Variants in HMCN1 observed in about 807,000 individuals in gnomAD.
HMCN1 encodes the protein hemicentin 1.
In HMCN1, 321 loss-of-function variants were observed where a neutral mutation model predicts 625.9. The observed-to-expected ratio is 0.51, with a 90% CI of 0.47 to 0.56. The LOEUF (loss-of-function observed/expected upper bound fraction) is 0.56, where lower values mean the gene tolerates loss of function less well. HMCN1 is among the 20% of genes least tolerant of loss of function. The probability of loss-of-function intolerance (pLI) is 0.00; values close to 1 mark genes in which losing one functional copy is unlikely to be tolerated. For missense variants in HMCN1, 6,588 were observed against 6,887.3 expected, an observed-to-expected ratio of 0.96 and a Z score of 1.54; for synonymous variants, 2,425 against 2,417.6, an observed-to-expected ratio of 1.00 and a Z score of -0.09.
intron 11 of HMCN1, among the ~76,000 whole-genome samples, chr1:185,944,762 G>A (rs548413459): frequency 6.6e-6 from 1 of 152,286 alleles, no homozygotes; most frequent in South Asian, 2.1e-4. Context: ...TTAAGTCAGA[G>A]CTAGATTTTA....
chr1:185,993,136 T>C (rs753774889), intron 22 of HMCN1, 46 bp from the exon 23 acceptor site: 1 of 1,588,750 alleles, frequency 6.3e-7, no homozygotes, highest in South Asian at 1.1e-5. Context: ...AGGGGATATT[T>C]AAATTCTCCT....
intron 4 of HMCN1, among the ~76,000 whole-genome samples, chr1:185,871,227 TCA>T (rs1663600181): frequency 8.4e-6 from 1 of 118,982 alleles, no homozygotes; most frequent in Admixed American, 8.9e-5. Flanking sequence ...AGACTCCGTC[TCA>T]AAAAAAAAAA....
intron 1 of HMCN1, among the ~76,000 whole-genome samples, chr1:185,763,454 C>T (rs1026557779): frequency 6.6e-6 from 1 of 152,144 alleles, no homozygotes; most frequent in Non-Finnish European, 1.5e-5. Flanking sequence ...AAAATCATAT[C>T]TTTTACCAGT....
chr1:185,796,626 CTGTG>C (rs150495815), intron 1 of HMCN1, among the ~76,000 whole-genome samples: 5,381 of 148,742 alleles, frequency 0.036, 283 homozygotes, highest in African/African-American at 0.12. Flanking sequence ...GAGTTTGTGT[CTGTG>C]TGTGTGTGTG....
chr1:186,070,578 C>G (rs759143922), intron 51 of HMCN1, 34 bp from the exon 52 acceptor site: 1 of 1,576,954 alleles, frequency 6.3e-7, no homozygotes, highest in South Asian at 1.1e-5. Context: ...TGAAAATAAC[C>G]AATGTCTAAC....
At chr1:186,101,381 GA>G (rs562193954) in intron 68 of HMCN1, among the ~76,000 whole-genome samples, 1 of 151,974 alleles carries the variant, frequency 6.6e-6, no homozygotes. Context: ...GAAAATACTG[GA>G]AAAAAACAAG....
At chr1:186,065,801 A>G (rs566567883) in intron 49 of HMCN1, among the ~76,000 whole-genome samples, 3 of 152,274 alleles carry the variant, frequency 2.0e-5, no homozygotes, top group Admixed American at 2.0e-4. Context: ...TGGCCATATT[A>G]TAGTCTTTGT....
chr1:186,117,789 G>C (rs1016193094), intron 77 of HMCN1, among the ~76,000 whole-genome samples, 166 bp downstream of exon 77: 5 of 152,052 alleles, frequency 3.3e-5, no homozygotes, highest in African/African-American at 7.2e-5. Flanking sequence ...ACATAGAAAG[G>C]GGTTCTAGGG....
At chr1:186,163,515 C>A (rs1651668369) in intron 97 of HMCN1, among the ~76,000 whole-genome samples, 1 of 152,168 alleles carries the variant, frequency 6.6e-6, no homozygotes, top group African/African-American at 2.4e-5. Flanking sequence ...ATTCTGGGAG[C>A]TGTAGACTGG....
chr1:185,944,281 T>C (rs993756854), intron 11 of HMCN1, among the ~76,000 whole-genome samples: 3 of 152,072 alleles, frequency 2.0e-5, no homozygotes, highest in Non-Finnish European at 4.4e-5. Context: ...CACAAAGACA[T>C]ACAGAAGGAT....
At chr1:186,086,609 A>G (rs1659486042) in intron 58 of HMCN1, among the ~76,000 whole-genome samples, 1 of 152,126 alleles carries the variant, frequency 6.6e-6, no homozygotes, top group Admixed American at 6.6e-5. Flanking sequence ...ACAAATAACA[A>G]GGTCTCCTTC....
At chr1:186,177,430 A>C (rs1417956379) in intron 103 of HMCN1, 1 of 152,322 alleles carries the variant, frequency 6.6e-6, no homozygotes, top group Non-Finnish European at 1.5e-5. Context: ...AGGAAGAACC[A>C]AGGGGTCAGG....
In HMCN1 at chr1:186,001,385, GCACTCC is replaced by G. The variant is rs757648826; in HGVS notation, c.4158_4163del (p.Thr1387_Pro1388del). On this transcript the variant is annotated inframe_deletion, in exon 27 of 107. Coordinates refer to ENST00000271588, the MANE Select transcript of HMCN1 (RefSeq NM_031935.3). ...ACCAATCTCTTCTGTGAAGTGGAAG[GCACTCC>G]ATCTCCCATCATTATGTGGTATAAA... 20 of 1,611,838 alleles carry G rather than the reference GCACTCC, an allele frequency of 1.2e-5. No homozygotes were observed. The highest frequency in any genetic ancestry group is 1.7e-5 in the Non-Finnish European group (20 of 1,178,454).
chr1:186,069,500 AT>A (rs770710356), intron 50 of HMCN1, among the ~76,000 whole-genome samples, 162 bp from the exon 51 acceptor site: 7 of 152,196 alleles, frequency 4.6e-5, no homozygotes, highest in Non-Finnish European at 8.8e-5. Context: ...ATACCATGCA[AT>A]CCCCATCAGT....
intron 4 of HMCN1, among the ~76,000 whole-genome samples, chr1:185,888,465 C>T (rs1424238963): frequency 7.0e-6 from 1 of 142,340 alleles, no homozygotes; most frequent in African/African-American, 3.0e-5. Flanking sequence ...GTCTTTAATC[C>T]ATCTTGAATT....
intron 1 of HMCN1, among the ~76,000 whole-genome samples, chr1:185,757,263 G>A (rs1655192888): frequency 6.6e-6 from 1 of 152,114 alleles, no homozygotes; most frequent in African/African-American, 2.4e-5. Context: ...GTGAGCCACT[G>A]TGCCCAGCTA....
chr1:185,938,539 A>G (rs1407427), intron 11 of HMCN1, among the ~76,000 whole-genome samples: 6,114 of 152,116 alleles, frequency 0.04, 287 homozygotes, highest in African/African-American at 0.11. Context: ...GAGGTCAGAT[A>G]ATTCATTTTC....
intron 104 of HMCN1, among the ~76,000 whole-genome samples, chr1:186,179,690 T>C (rs1652818662): frequency 6.6e-6 from 1 of 152,234 alleles, no homozygotes; most frequent in South Asian, 2.1e-4. Flanking sequence ...GAAAGCGTTC[T>C]ACACTTTGCT....
chr1:186,049,414 T>TA (rs1364435569), intron 42 of HMCN1, among the ~76,000 whole-genome samples: 1 of 151,862 alleles, frequency 6.6e-6, no homozygotes. Context: ...TCACATACTT[T>TA]AAAAAACTCA....
Sources: allele counts gnomAD v4.1 joint callset (sites outside exome capture counted in the v4.1 genomes callset), GRCh38; gene constraint gnomAD v4.1.1; transcripts MANE v1.5; gene names NCBI Gene and HGNC (gene_info 2026-07-23, HGNC 2026-07-21).